The following MMP26 variants were observed in gnomAD, a reference collection of about 807,000 sequenced individuals.
MMP26 encodes the protein matrix metallopeptidase 26.
Under a neutral mutation model 31.0 loss-of-function variants are expected in MMP26, and 33 were observed. The ratio of observed to expected loss-of-function variants is 1.06; its 90% confidence interval spans 0.81 to 1.42. MMP26 has a LOEUF of 1.42. MMP26 is among the 40% of genes most tolerant of loss of function. The pLI, the probability that MMP26 is intolerant of heterozygous loss-of-function variation, is 0.00. For synonymous variants in MMP26, 122 were observed against 114.9 expected (o/e 1.06, Z -0.40); for missense variants, 347 against 316.1 (o/e 1.10, Z -0.74).
intron 2 of MMP26, among the ~76,000 whole-genome samples, chr11:4,895,846 G>A (rs1850691666): frequency 6.6e-6 from 1 of 152,186 alleles, no homozygotes; most frequent in East Asian, 1.9e-4. Flanking sequence ...AAGCCTAGTA[G>A]TTTTAATCTG....
chr11:4,777,006 A>G (rs1490903924), intron 2 of MMP26, among the ~76,000 whole-genome samples: 2 of 152,200 alleles, frequency 1.3e-5, no homozygotes, highest in East Asian at 3.8e-4. Flanking sequence ...ACCCTTGGAC[A>G]ATGGGACTTG....
At chr11:4,908,565 A>G (rs1017993252) in intron 2 of MMP26, 1 of 502,984 alleles carries the variant, frequency 2.0e-6, no homozygotes, top group South Asian at 2.1e-5. Context: ...GAGCAGCTGG[A>G]TTTGAGTCAA....
rs1248184299 is a variant in MMP26 at position 4,860,337 on chromosome 11, G to A, written c.-145+92996G>A. ...TGAGCATGGAGGGCAAGGTGGACAT[G>A]GAGAGACTAACGTCAGTGAGAGCCA... is the stretch of plus-strand genomic sequence containing the variant. On this transcript the variant is annotated intron_variant, in intron 2 of 7. Transcript: ENST00000380390. 4 of 471,324 alleles carry A rather than the reference G, an allele frequency of 8.5e-6. 1 individual carries two copies. Among genetic ancestry groups the A allele is most frequent in the South Asian group, 6.2e-5 (4 of 64,556 alleles). 29.2% of individuals were successfully genotyped at this position (471,324 alleles called of 1,614,324 possible). A position where few individuals can be genotyped will look rare whatever the true frequency, so the allele number is the denominator to read the frequency against.
At chr11:4,986,734 T>C (rs1846896019) in intron 2 of MMP26, among the ~76,000 whole-genome samples, 2 of 151,264 alleles carry the variant, frequency 1.3e-5, no homozygotes, top group South Asian at 4.2e-4. Flanking sequence ...GGTTTCACTA[T>C]GTTGGCCGGG....
intron 2 of MMP26, chr11:4,876,799 C>T (rs758038836): frequency 1.3e-5 from 2 of 152,794 alleles, no homozygotes; most frequent in African/African-American, 2.4e-5. Context: ...TCTTCCATGC[C>T]TACCATGGTC....
rs1463722044 is a variant in MMP26, at chr11:4,952,312, T to C, written c.-144-35756T>C. Among the ~76,000 whole-genome samples the C allele has an allele frequency of 1.6e-5, 2 of 125,290 alleles. 1 individual carries two copies. Among genetic ancestry groups the C allele is most frequent in the African/African-American group, 5.4e-5 (2 of 36,982 alleles). 82.2% of individuals were successfully genotyped at this position (125,290 alleles called of 152,430 possible). ...AAGATGCTTATTAAAGCCAACTAAT[T>C]GCTCCTCATCTTGTTAGTGGAAATG... On this transcript the variant is annotated intron_variant, in intron 2 of 7. Coordinates refer to ENST00000380390, the MANE Select transcript of MMP26 (RefSeq NM_021801.5).
intron 2 of MMP26, among the ~76,000 whole-genome samples, chr11:4,921,785 G>A (rs1851188144): frequency 6.6e-6 from 1 of 152,152 alleles, no homozygotes; most frequent in Non-Finnish European, 1.5e-5. Context: ...TCTTCACAGG[G>A]AAAGAAGAGG....
intron 2 of MMP26, among the ~76,000 whole-genome samples, chr11:4,771,082 A>G (rs559933637): frequency 1.6e-4 from 25 of 152,260 alleles, no homozygotes; most frequent in African/African-American, 5.1e-4. Flanking sequence ...GCAAGGGGAG[A>G]AGTAGGCCAT....
intron 2 of MMP26, among the ~76,000 whole-genome samples, chr11:4,849,957 C>T (rs1288828465): frequency 1.3e-5 from 2 of 152,096 alleles, no homozygotes; most frequent in African/African-American, 4.8e-5. Flanking sequence ...GGACATCCAT[C>T]GCCTTGAGTA....
intron 1 of MMP26, 24 bp from the exon 2 acceptor site, chr11:4,767,246 A>C (rs971374857): frequency 6.6e-6 from 1 of 152,174 alleles, no homozygotes; most frequent in African/African-American, 2.4e-5. Flanking sequence ...ATTGTCATAT[A>C]ATATTTCTTC....
Position 4,929,927 on chromosome 11 carries a change from T to C in MMP26, c.-144-58141T>C, listed in dbSNP as rs543880783. Among the ~76,000 whole-genome samples, 4 of 152,248 alleles carry C rather than the reference T, an allele frequency of 2.6e-5. No homozygotes were observed. The East Asian group carries it at 7.7e-4, about 29-fold the overall frequency. Reference sequence around the variant, plus strand: ...GTAGCAATAGTATGAATGCATATTTTGTTTTTAGAGGACAGCAATATGATA... The same window carrying C: ...GTAGCAATAGTATGAATGCATATTTCGTTTTTAGAGGACAGCAATATGATA... On this transcript the variant is annotated intron_variant, in intron 2 of 7. Coordinates refer to ENST00000380390, the MANE Select transcript of MMP26 (RefSeq NM_021801.5).
chr11:4,978,471 T>A (rs1364925490), intron 2 of MMP26, among the ~76,000 whole-genome samples: 2 of 152,136 alleles, frequency 1.3e-5, no homozygotes. Flanking sequence ...TGTCTTTTGG[T>A]ACAATATTTT....
Position 4,990,571 on chromosome 11 carries a change from A to G in MMP26, c.321-27A>G, listed in dbSNP as rs200387717. The G allele has an allele frequency of 2.4e-5, 38 of 1,601,480 alleles. No homozygotes were observed. The African/African-American group carries it at 4.3e-4, about 18-fold the overall frequency. On this transcript the variant is annotated intron_variant, in intron 4 of 7. Coordinates refer to ENST00000380390, the MANE Select transcript of MMP26 (RefSeq NM_021801.5). Reference sequence around the variant, plus strand: ...AGGATAATTCCCATTCCTCTGAACTATTTCATTTAGAGATTGCTTTCCTCA... The same window carrying G: ...AGGATAATTCCCATTCCTCTGAACTGTTTCATTTAGAGATTGCTTTCCTCA...
At chr11:4,916,170 T>C (rs1023258142) in intron 2 of MMP26, among the ~76,000 whole-genome samples, 1 of 148,150 alleles carries the variant, frequency 6.7e-6, no homozygotes, top group African/African-American at 2.5e-5. Context: ...AAAAAAATGG[T>C]GTGGGAGGAG....
chr11:4,764,494 C>T (rs1564903752), intron 1 of MMP26, among the ~76,000 whole-genome samples: 1 of 152,134 alleles, frequency 6.6e-6, no homozygotes, highest in Non-Finnish European at 1.5e-5. Flanking sequence ...GTATGCGACC[C>T]AAGCAGGGCT....
intron 2 of MMP26, among the ~76,000 whole-genome samples, chr11:4,974,420 T>C (rs916354066): frequency 6.6e-6 from 1 of 152,090 alleles, no homozygotes; most frequent in Non-Finnish European, 1.5e-5. Flanking sequence ...GGATTTTCTT[T>C]TCCTTTCCTC....
At chr11:4,968,187 C>T (rs999026079) in intron 2 of MMP26, among the ~76,000 whole-genome samples, 24 of 151,866 alleles carry the variant, frequency 1.6e-4, no homozygotes, top group African/African-American at 4.6e-4. Flanking sequence ...TAGAGCATAC[C>T]GTAAACAGAA....
chr11:4,706,577 C>CAAAAAAAAAAAAAAAAAAAA (rs71050423), intron 1 of MMP26, among the ~76,000 whole-genome samples: 2 of 87,560 alleles, frequency 2.3e-5, no homozygotes, highest in Non-Finnish European at 2.1e-5. Flanking sequence ...GACCCTATCT[C>CAAAAAAAAAAAAAAAAAAAA]AAAAAAAAAA....
intron 1 of MMP26, among the ~76,000 whole-genome samples, chr11:4,721,382 T>A (rs1350011651): frequency 2.0e-5 from 3 of 152,192 alleles, no homozygotes; most frequent in Non-Finnish European, 4.4e-5. Flanking sequence ...TTTTGGGGTA[T>A]TTCTTGGGGA....
Sources: gnomAD v4.1 joint callset for allele counts (sites outside exome capture counted in the v4.1 genomes callset) on GRCh38, gnomAD v4.1.1 for gene constraint, MANE v1.5 for transcripts, NCBI Gene and HGNC (gene_info 2026-07-23, HGNC 2026-07-21) for gene names.